The following AHRR variants were observed in gnomAD, a reference collection of about 807,000 sequenced individuals.
AHRR encodes the protein aryl hydrocarbon receptor repressor, also known as ahR repressor.
AHRR carries 28 observed loss-of-function variants against 44.0 expected under a neutral mutation model. The observed-to-expected ratio is 0.64, with a 90% CI of 0.47 to 0.87. The LOEUF (loss-of-function observed/expected upper bound fraction) is 0.87, where lower values mean the gene tolerates loss of function less well. Ranked by LOEUF, AHRR falls within the 40% of genes least tolerant of loss-of-function variation. The pLI, the probability that AHRR is intolerant of heterozygous loss-of-function variation, is 0.00. For synonymous variants in AHRR, 434 were observed against 407.0 expected (o/e 1.07, Z -0.80); for missense variants, 990 against 953.9 (o/e 1.04, Z -0.50).
At chr5:418,747 C>A (rs73038962) in intron 5 of AHRR, 1 of 152,340 alleles carries the variant, frequency 6.6e-6, no homozygotes, top group African/African-American at 2.4e-5. Context: ...AGACTCCATG[C>A]TGAAGAACTG....
intron 4 of AHRR, among the ~76,000 whole-genome samples, chr5:390,359 TAAAAG>T (rs1351920801): frequency 9.9e-5 from 15 of 152,144 alleles, no homozygotes; most frequent in African/African-American, 2.4e-4. Flanking sequence ...AAAAATTTCT[TAAAAG>T]AAAGACAAAG....
chr5:431,212 G>A (rs1736712575), intron 8 of AHRR, among the ~76,000 whole-genome samples: 1 of 152,044 alleles, frequency 6.6e-6, no homozygotes, highest in Non-Finnish European at 1.5e-5. Flanking sequence ...CGTAGGTGTG[G>A]GATCACAAGC....
At chr5:363,187 T>TACC (rs1560892131) in intron 3 of AHRR, among the ~76,000 whole-genome samples, 3 of 152,202 alleles carry the variant, frequency 2.0e-5, no homozygotes, top group Admixed American at 6.5e-5. Flanking sequence ...TAGCTATGGC[T>TACC]TCCAACCCTC....
At chr5:378,254 A>G (rs184352253) in intron 4 of AHRR, among the ~76,000 whole-genome samples, 242 of 152,320 alleles carry the variant, frequency 1.6e-3, no homozygotes, top group Non-Finnish European at 2.5e-3. Context: ...CAATAAACTG[A>G]AAAAAAGGGG....
chr5:331,018 AG>A (rs757725229), intron 1 of AHRR, among the ~76,000 whole-genome samples: 6 of 151,770 alleles, frequency 4.0e-5, no homozygotes, highest in Non-Finnish European at 7.4e-5. Flanking sequence ...CTGGGACTAC[AG>A]GCGCGTGCCA....
chr5:391,424 G>A (rs1734441862), intron 4 of AHRR, among the ~76,000 whole-genome samples: 3 of 118,460 alleles, frequency 2.5e-5, no homozygotes, highest in Admixed American at 2.4e-4. Context: ...AGCGTGCACG[G>A]GGGCAGGGCG....
rs1235571927 is a variant in AHRR, at chr5:341,299, G to C, written c.-10-2594G>C. Among the ~76,000 whole-genome samples, 3 of 152,206 alleles carry C rather than the reference G, an allele frequency of 2.0e-5. No individual in the cohort carries two copies. In the East Asian group the frequency reaches 5.8e-4, roughly 29 times the overall value. The stretch of plus-strand genomic sequence containing the variant: ...CAAAGTGCTGGGATTATAGGCCTAA[G>C]CCACTGCGCCTGGCCTCAGCTCTAT... On this transcript the variant is annotated intron_variant, in intron 1 of 10. Transcript: ENST00000684583.
intron 5 of AHRR, among the ~76,000 whole-genome samples, chr5:415,407 GGGTGGGA>G (rs1735705375): frequency 2.0e-4 from 18 of 89,852 alleles, no homozygotes; most frequent in East Asian, 7.2e-4. Context: ...CTGCCTGGTC[GGGTGGGA>G]GGCCTAGGGG....
At chr5:412,125 T>A (rs1735491226) in intron 4 of AHRR, among the ~76,000 whole-genome samples, 1 of 152,174 alleles carries the variant, frequency 6.6e-6, no homozygotes, top group Admixed American at 6.5e-5. Flanking sequence ...ATCTGCTCCC[T>A]CCAAAATCCC....
chr5:397,934 C>T (rs868207625), intron 4 of AHRR, among the ~76,000 whole-genome samples: 14 of 103,684 alleles, frequency 1.4e-4, no homozygotes, highest in African/African-American at 4.2e-4. Context: ...TCCACGTAGC[C>T]CCTGACCATC....
chr5:415,394 AGTCTGCCTGGTCGGGTGGG>A (rs1418590707), intron 5 of AHRR, among the ~76,000 whole-genome samples: 21 of 137,570 alleles, frequency 1.5e-4, no homozygotes, highest in Non-Finnish European at 2.0e-4. Context: ...CTAGGGGCCG[AGTCTGCCTGGTCGGGTGGG>A]AGGCCTAGGG....
Position 406,401 on chromosome 5 carries a change from G to A in AHRR, c.352-6943G>A, listed in dbSNP as rs1644547057. ...CCAAATCACTCCATGTGGGAGGCTGGGAGGCAAACATTTTTGTGTGAGCTA... is the reference window on the plus strand; with the variant it reads ...CCAAATCACTCCATGTGGGAGGCTGAGAGGCAAACATTTTTGTGTGAGCTA... On this transcript the variant is annotated intron_variant, in intron 4 of 10. Transcript: ENST00000684583. The surrounding 1 kb of genome is among the most constrained non-coding windows in gnomAD (Gnocchi z 4.7). 6.6e-6 allele frequency among the ~76,000 whole-genome samples: 1 copy of A among 152,226 alleles called. No individual in the cohort carries two copies. Among genetic ancestry groups the A allele is most frequent in the African/African-American group, 2.4e-5 (1 of 41,456 alleles).
rs1270324982 is a variant in AHRR, at chr5:436,598, C to T, written c.*1764C>T. ...CCAGAGTCACAGATCCATCGTGGCC[C>T]CCTATGACCCCCAAGCCCTACCGAG... is the stretch of plus-strand genomic sequence containing the variant. On this transcript the variant is annotated 3_prime_UTR_variant, in exon 11 of 11. Transcript: ENST00000684583. 6.6e-6 allele frequency: 1 copy of T among 152,448 alleles called. No homozygotes were observed. The highest frequency in any genetic ancestry group is 2.4e-5 in the African/African-American group (1 of 41,426). 9.4% of individuals were successfully genotyped at this position (152,448 alleles called of 1,614,324 possible). A position where few individuals can be genotyped will look rare whatever the true frequency, so the allele number is the denominator to read the frequency against.
At chr5:350,320 T>C (rs1742816057) in intron 2 of AHRR, among the ~76,000 whole-genome samples, 1 of 152,242 alleles carries the variant, frequency 6.6e-6, no homozygotes, top group Non-Finnish European at 1.5e-5. Context: ...TTAGGTTTGT[T>C]CACAGGCATT....
rs1560919896 is a variant in AHRR at position 421,409 on chromosome 5, C to CA, written c.442-1319dup. ...CCCCACACGGAGGGCGGCCCGGACT[C>CA]AGAGGCACAGGCAGAAGCAGCCTCG... On this transcript the variant is annotated intron_variant, in intron 5 of 10. Coordinates refer to ENST00000684583, the MANE Select transcript of AHRR (RefSeq NM_001377236.1). 1.4e-5 allele frequency: 8 copies of CA among 567,686 alleles called. No homozygotes were observed. The South Asian group carries it at 1.4e-4, about 10-fold the overall frequency. 35.2% of individuals were successfully genotyped at this position (567,686 alleles called of 1,614,324 possible).
chr5:333,136 G>A lies in AHRR; in HGVS notation c.-10-10757G>A, dbSNP rs1447439577. 5.9e-5 allele frequency among the ~76,000 whole-genome samples: 9 copies of A among 151,774 alleles called. No individual in the cohort carries two copies. In the South Asian group the frequency reaches 1.7e-3, roughly 28 times the overall value. The stretch of plus-strand genomic sequence containing the variant: ...TTGCCTAGGCTGGTCTCAAACTCCT[G>A]GCCTCAAGCAATCCTCCCATCTTGA... On this transcript the variant is annotated intron_variant, in intron 1 of 10. Transcript: ENST00000684583.
At chr5:359,624 T>C (rs1013808787) in intron 3 of AHRR, among the ~76,000 whole-genome samples, 1 of 152,192 alleles carries the variant, frequency 6.6e-6, no homozygotes, top group African/African-American at 2.4e-5. Flanking sequence ...CCTGCTCCCT[T>C]CACTCATCAC....
At chr5:390,961 A>C (rs889599624) in intron 4 of AHRR, among the ~76,000 whole-genome samples, 9 of 152,164 alleles carry the variant, frequency 5.9e-5, no homozygotes, top group Admixed American at 2.6e-4. Flanking sequence ...CACCAGAACC[A>C]GCCACAGAAG....
chr5:399,650 G>A (rs1201884010), intron 4 of AHRR, among the ~76,000 whole-genome samples: 5 of 152,184 alleles, frequency 3.3e-5, no homozygotes, highest in Admixed American at 6.5e-5. Context: ...CCAAGGGTTC[G>A]CAGCAAAGGT....
Sources: allele counts gnomAD v4.1 joint callset (sites outside exome capture counted in the v4.1 genomes callset), GRCh38; gene constraint gnomAD v4.1.1; non-coding constraint Gnocchi (gnomAD v3.1); transcripts MANE v1.5; gene names NCBI Gene and HGNC (gene_info 2026-07-23, HGNC 2026-07-21).